Variants in CCDC42 observed in about 807,000 individuals in gnomAD.
CCDC42 encodes the protein coiled-coil domain-containing protein 42.
Under a neutral mutation model 40.8 loss-of-function variants are expected in CCDC42, and 38 were observed. The observed-to-expected ratio is 0.93, with a 90% confidence interval of 0.72 to 1.22. The LOEUF (loss-of-function observed/expected upper bound fraction) is 1.22, where lower values mean the gene tolerates loss of function less well. CCDC42 is among the 50% of genes most tolerant of loss of function. The pLI is 0.00. For missense variants in CCDC42, 379 were observed against 416.5 expected, an observed-to-expected ratio of 0.91 and a Z score of 0.78; for synonymous variants, 135 against 157.5, an observed-to-expected ratio of 0.86 and a Z score of 1.07.
rs543433245 is a variant in CCDC42, at chr17:8,744,526, C to T, written c.83+1G>A. 6.2e-6 allele frequency: 10 copies of T among 1,609,814 alleles called. No individual in the cohort carries two copies. The Admixed American group carries it at 6.7e-5, about 11-fold the overall frequency. On this transcript the variant is annotated splice_donor_variant, in intron 1 of 6. Transcript: ENST00000293845. LOFTEE classifies it high-confidence loss of function. Reference sequence around the variant, plus strand: ...GGGCAAGCCAGGCCTCAGACACTCACTGGAGCATCTGCAGCAGCCGCTCCC... The same window carrying T: ...GGGCAAGCCAGGCCTCAGACACTCATTGGAGCATCTGCAGCAGCCGCTCCC...
intron 6 of CCDC42, among the ~76,000 whole-genome samples, chr17:8,732,764 T>G (rs541820977): frequency 1.3e-4 from 20 of 152,344 alleles, no homozygotes; most frequent in African/African-American, 4.6e-4. Context: ...TGGAGTCCTT[T>G]TATTCCCCCT....
chr17:8,740,935 C>T (rs1048076091), intron 4 of CCDC42, among the ~76,000 whole-genome samples: 4 of 152,156 alleles, frequency 2.6e-5, no homozygotes, highest in Non-Finnish European at 5.9e-5. Context: ...TGAAGTTACC[C>T]GTGTGAAGCA....
Position 8,741,457 on chromosome 17 carries a change from C to T in CCDC42, c.492+17G>A, listed in dbSNP as rs369529311. ...GAGGAAGGTGCCAGGGCCGGCCCCC[C>T]TGCTCCTTGGACTCACCTCGGAGTT... On this transcript the variant is annotated intron_variant, in intron 4 of 6. Coordinates refer to ENST00000293845, the MANE Select transcript of CCDC42 (RefSeq NM_144681.3). 9.9e-5 allele frequency: 159 copies of T among 1,613,094 alleles called. No individual in the cohort carries two copies. Among genetic ancestry groups the T allele is most frequent in the Non-Finnish European group, 1.3e-4 (151 of 1,179,194 alleles).
At position 8,735,278 on chromosome 17, in the gene CCDC42, C is replaced by CA. The variant is rs778024427; in HGVS notation, c.715-25dup. The CA allele has an allele frequency of 6.2e-7, 1 of 1,613,948 alleles. No individual in the cohort carries two copies. Among genetic ancestry groups the CA allele is most frequent in the Non-Finnish European group, 8.5e-7 (1 of 1,179,912 alleles). The stretch of plus-strand genomic sequence containing the variant: ...TCCTGGAGAGTGGATAAGGACGGGG[C>CA]ATGAGCACAGCATGTGGTGTGTGTG... On this transcript the variant is annotated intron_variant, in intron 5 of 6. Coordinates refer to ENST00000293845, the MANE Select transcript of CCDC42 (RefSeq NM_144681.3). This position sits in a 1 kb window ranked among gnomAD's most constrained non-coding sequence, Gnocchi z 4.7.
chr17:8,731,301 T>C (rs1474925364), intron 6 of CCDC42, among the ~76,000 whole-genome samples: 1 of 152,208 alleles, frequency 6.6e-6, no homozygotes, highest in Admixed American at 6.5e-5. Context: ...TCATACACCG[T>C]TGGTGGAAGT....
At position 8,735,278 on chromosome 17, in the gene CCDC42, C is replaced by A. The variant is rs928714651; in HGVS notation, c.715-24G>T. 2 of 1,613,948 alleles carry A rather than the reference C, an allele frequency of 1.2e-6. No individual in the cohort carries two copies. Among genetic ancestry groups the A allele is most frequent in the African/African-American group, 2.7e-5 (2 of 75,018 alleles). ...TCCTGGAGAGTGGATAAGGACGGGG[C>A]ATGAGCACAGCATGTGGTGTGTGTG... On this transcript the variant is annotated intron_variant, in intron 5 of 6. Coordinates refer to ENST00000293845, the MANE Select transcript of CCDC42 (RefSeq NM_144681.3). The surrounding 1 kb of genome is among the most constrained non-coding windows in gnomAD (Gnocchi z 4.7).
chr17:8,742,182 G>A (rs1231365833), intron 3 of CCDC42, among the ~76,000 whole-genome samples: 1 of 152,112 alleles, frequency 6.6e-6, no homozygotes, highest in Non-Finnish European at 1.5e-5. Flanking sequence ...GACCACTCCC[G>A]GACCAGAGCT....
rs1180638637 is a variant in CCDC42, at chr17:8,743,650, G to C, written c.270C>G (p.Ile90Met). The change falls in exon 3 of 7, where the codon ATC (isoleucine) becomes ATG (methionine). Residue 90 changes from isoleucine to methionine, a missense_variant. By Grantham distance (10) the Ile-to-Met change is conservative. Transcript: ENST00000293845. ...GVKEAQLKAH[I>M]QKSEQFIQEN... ...CCTGGATGAACTGCTCAGACTTCTG[G>C]ATGTGAGCCTTCAGTTGGGCTTCCT... 6.2e-7 allele frequency: 1 copy of C among 1,610,908 alleles called. No homozygotes were observed. Among genetic ancestry groups the C allele is most frequent in the African/African-American group, 1.3e-5 (1 of 74,810 alleles).
rs1204201530 is a variant in CCDC42, at chr17:8,730,150, G to T, written c.931C>A (p.Gln311Lys). 6.2e-7 allele frequency: 1 copy of T among 1,613,880 alleles called. No individual in the cohort carries two copies. Among genetic ancestry groups the T allele is most frequent in the Non-Finnish European group, 8.5e-7 (1 of 1,179,870 alleles). ...DIWAEVKKKE[Q>K]QRVRI Reference sequence around the variant, plus strand: ...CCTCCTTAAATCCGGACTCGCTGTTGTTCCTTCTTTTTCACCTCTGCCCAG... The same window carrying T: ...CCTCCTTAAATCCGGACTCGCTGTTTTTCCTTCTTTTTCACCTCTGCCCAG... The change falls in exon 7 of 7, where the codon CAA becomes AAA. Residue 311 changes from glutamine to lysine, a missense_variant. Gln to Lys is a moderately conservative substitution (Grantham distance 53). Transcript: ENST00000293845.
In CCDC42 at chr17:8,735,560, G is replaced by A. The variant is rs375583938; in HGVS notation, c.544C>T (p.Arg182Cys). ...TGCGCAGACTGCATGAGGTCGTGGC[G>A]CATGCTCACCAGCGTCTTGTAGCGT... ...IARYKTLVSM[R>C]HDLMQSAQEG... The change falls in exon 5 of 7, where the codon CGC becomes TGC. Residue 182 changes from arginine (R) to cysteine (C), a missense_variant. By Grantham distance (180) the Arg-to-Cys change is radical. Transcript: ENST00000293845. This position sits in a 1 kb window ranked among gnomAD's most constrained non-coding sequence, Gnocchi z 4.7. 9.9e-6 allele frequency: 16 copies of A among 1,613,946 alleles called. No individual in the cohort carries two copies. The South Asian group carries it at 1.2e-4, about 12-fold the overall frequency.
At chr17:8,741,856 T>A (rs2086648145) in intron 3 of CCDC42, among the ~76,000 whole-genome samples, 185 bp from the exon 4 acceptor site, 1 of 152,118 alleles carries the variant, frequency 6.6e-6, no homozygotes, top group South Asian at 2.1e-4. Flanking sequence ...TCCAGGGGTA[T>A]TTGAAGCTGG....
At chr17:8,744,020 G>T in intron 2 of CCDC42, 59 bp downstream of exon 2, 1 of 1,238,658 alleles carries the variant, frequency 8.1e-7, no homozygotes, top group Non-Finnish European at 1.2e-6. Context: ...GGCTCTCCCA[G>T]AGCCCCAGCC....
chr17:8,740,265 C>T (rs1042554731), intron 4 of CCDC42, among the ~76,000 whole-genome samples: 2 of 151,924 alleles, frequency 1.3e-5, no homozygotes, highest in African/African-American at 4.8e-5. Context: ...CCAAGGCAGG[C>T]GGATCACGAG....
chr17:8,731,776 G>A (rs2086581865), intron 6 of CCDC42, among the ~76,000 whole-genome samples: 2 of 152,092 alleles, frequency 1.3e-5, no homozygotes, highest in Non-Finnish European at 2.9e-5. Context: ...AGGAGGGAGA[G>A]GATCAGAAAA....
rs1196291749 is a variant in CCDC42, at chr17:8,744,751, G to C, written c.-142C>G. The C allele has an allele frequency of 1.5e-6, 1 of 657,828 alleles. No homozygotes were observed. Among genetic ancestry groups the C allele is most frequent in the Non-Finnish European group, 2.7e-6 (1 of 364,198 alleles). 40.7% of individuals were successfully genotyped at this position (657,828 alleles called of 1,614,324 possible). A position where few individuals can be genotyped will look rare whatever the true frequency, so the allele number is the denominator to read the frequency against. Reference sequence around the variant, plus strand: ...GGGTCCCACAGATGATGGAGTTTGAGACTCCACAGAAGGTGGCTGGAGACA... The same window carrying C: ...GGGTCCCACAGATGATGGAGTTTGACACTCCACAGAAGGTGGCTGGAGACA... On this transcript the variant is annotated 5_prime_UTR_variant, in exon 1 of 7. Coordinates refer to ENST00000293845, the MANE Select transcript of CCDC42 (RefSeq NM_144681.3).
At chr17:8,730,239 G>GC (rs781607118) in intron 6 of CCDC42, 32 bp from the exon 7 acceptor site, 3 of 1,553,058 alleles carry the variant, frequency 1.9e-6, no homozygotes, top group East Asian at 2.3e-5. Flanking sequence ...CGTTAACTCC[G>GC]CCCCCCAGAG....
chr17:8,733,973 T>C (rs1201867040), intron 6 of CCDC42, among the ~76,000 whole-genome samples: 2 of 151,164 alleles, frequency 1.3e-5, no homozygotes, highest in African/African-American at 4.8e-5. Flanking sequence ...TTCGCTCTTA[T>C]TCTCTCATGA....
intron 6 of CCDC42, among the ~76,000 whole-genome samples, chr17:8,732,787 C>G (rs1383246673): frequency 6.6e-6 from 1 of 152,168 alleles, no homozygotes; most frequent in Non-Finnish European, 1.5e-5. Context: ...GAAACAATAG[C>G]TCAGGAGATT....
At chr17:8,734,574 C>G (rs2086598828) in intron 6 of CCDC42, among the ~76,000 whole-genome samples, 1 of 151,642 alleles carries the variant, frequency 6.6e-6, no homozygotes, top group Admixed American at 6.6e-5. Context: ...TGAGGCTGGC[C>G]TGGAACTCCC....
Sources: allele counts gnomAD v4.1 joint callset (sites outside exome capture counted in the v4.1 genomes callset), GRCh38; gene constraint gnomAD v4.1.1; non-coding constraint Gnocchi (gnomAD v3.1); transcripts MANE v1.5; gene names NCBI Gene and HGNC (gene_info 2026-07-23, HGNC 2026-07-21).